The following ZNF792 variants were observed in gnomAD, a reference collection of about 807,000 sequenced individuals.
The protein encoded by ZNF792 is zinc finger protein 792.
In ZNF792, 14 loss-of-function variants were observed where a neutral mutation model predicts 13.1. The observed-to-expected ratio is 1.07, with a 90% CI of 0.71 to 1.67. The LOEUF (loss-of-function observed/expected upper bound fraction) is 1.67. Ranked by LOEUF, ZNF792 falls within the 40% of genes most tolerant of loss-of-function variation. ZNF792 has a pLI of 0.00. For missense variants in ZNF792, 740 were observed against 807.9 expected (o/e 0.92, Z 1.02); for synonymous variants, 257 against 292.0 (o/e 0.88, Z 1.22).
intron 1 of ZNF792, among the ~76,000 whole-genome samples, chr19:34,963,374 G>C (rs903413181): frequency 6.6e-6 from 1 of 151,668 alleles, no homozygotes; most frequent in East Asian, 1.9e-4. Context: ...AAGCTTTTGC[G>C]CACGCTGGTT....
chr19:34,958,679 A>T lies in ZNF792; in HGVS notation c.1176T>A (p.Ser392Arg). The change falls in exon 4 of 4, where the codon AGT becomes AGA. Residue 392 changes from serine to arginine, a missense_variant. Transcript: ENST00000404801. ...TCCCACATTCACTGCACTCATGGGCACTTCTGCCCGTATGAACCCTCTTAT... is the reference window on the plus strand; with the variant it reads ...TCCCACATTCACTGCACTCATGGGCTCTTCTGCCCGTATGAACCCTCTTAT... ...IHHKRVHTGR[S>R]AHECSECGKS... The T allele has an allele frequency of 6.2e-7, 1 of 1,614,024 alleles. No homozygotes were observed. The highest frequency in any genetic ancestry group is 8.5e-7 in the Non-Finnish European group (1 of 1,179,956).
In ZNF792 at chr19:34,960,868, C is replaced by G. The variant is rs555113769; in HGVS notation, c.160G>C (p.Gly54Arg). The G allele has an allele frequency of 6.2e-7, 1 of 1,613,966 alleles. No homozygotes were observed. The highest frequency in any genetic ancestry group is 1.1e-5 in the South Asian group (1 of 91,078). The change falls in exon 2 of 4, where the codon GGA (glycine) becomes CGA (arginine). Residue 54 changes from glycine to arginine, a missense_variant and splice_region_variant. Coordinates refer to ENST00000404801, the MANE Select transcript of ZNF792 (RefSeq NM_175872.5). ...LENFALIASL[G>R]LISFRSHIVS... is the part of the protein sequence containing the mutation. Reference sequence around the variant, plus strand: ...ACCGGGGTAGGGGTGACAGCCTTACCCAGCGAGGCTATAAGTGCAAAGTTT... The same window carrying G: ...ACCGGGGTAGGGGTGACAGCCTTACGCAGCGAGGCTATAAGTGCAAAGTTT...
Position 34,958,720 on chromosome 19 carries a change from A to G in ZNF792, c.1135T>C (p.Ser379Pro), listed in dbSNP as rs1249378397. The G allele has an allele frequency of 1.2e-6, 2 of 1,614,016 alleles. No individual in the cohort carries two copies. Among genetic ancestry groups the G allele is most frequent in the South Asian group, 2.2e-5 (2 of 91,078 alleles). Residue 379 changes from serine (S) to proline (P), a missense_variant, in exon 4 of 4, where the codon TCC becomes CCC. By Grantham distance (74) the Ser-to-Pro change is moderately conservative (BLOSUM62 -1). Coordinates refer to ENST00000404801, the MANE Select transcript of ZNF792 (RefSeq NM_175872.5). ...ACCCTCTTATGATGAATGAGGTTGG[A>G]ACGCTGGCTGAAGAACTTCCCACAG... ...SDCGKFFSQR[S>P]NLIHHKRVHT...
At position 34,963,922 on chromosome 19, in the gene ZNF792, G is replaced by C. The variant is rs182262121; in HGVS notation, c.-260C>G. The C allele has an allele frequency of 2.2e-6, 1 of 452,062 alleles. No individual in the cohort carries two copies. The highest frequency in any genetic ancestry group is 3.9e-6 in the Non-Finnish European group (1 of 256,844). The allele number at this position is 452,062 out of a possible 1,614,324, so 28.0% of individuals were successfully genotyped here. ...GGGGTCACGGCTGGTGCAAAGGCGC[G>C]GAGGGGGTCCCGGCCTCACTGTCCC... On this transcript the variant is annotated 5_prime_UTR_variant, in exon 1 of 4. Transcript: ENST00000404801.
In ZNF792 at chr19:34,959,436, C is replaced by G. The variant is rs145968802; in HGVS notation, c.419G>C (p.Arg140Pro). The G allele has an allele frequency of 6.2e-7, 1 of 1,613,968 alleles. No individual in the cohort carries two copies. The highest frequency in any genetic ancestry group is 8.5e-7 in the Non-Finnish European group (1 of 1,179,992). Residue 140 changes from arginine to proline, a missense_variant, in exon 4 of 4, where the codon CGT (arginine) becomes CCT (proline). Arg to Pro is a moderately radical substitution (Grantham distance 103). Transcript: ENST00000404801. ...KTCPCDICGL[R>P]LKDILHLAEH... ...AGCCAAATGCAAAATGTCTTTCAAA[C>G]GTAGGCCACATATGTCACAGGGGCA...
At chr19:34,960,192 A>G (rs905292129) in intron 3 of ZNF792, 43 bp downstream of exon 3, 1 of 1,603,566 alleles carries the variant, frequency 6.2e-7, no homozygotes, top group Admixed American at 1.7e-5. Flanking sequence ...ATGTAAACAC[A>G]GTGGTGAAGT....
At position 34,958,432 on chromosome 19, in the gene ZNF792, C is replaced by A; in HGVS notation, c.1423G>T (p.Glu475Ter). The A allele has an allele frequency of 6.2e-7, 1 of 1,611,812 alleles. No homozygotes were observed. The highest frequency in any genetic ancestry group is 1.1e-5 in the South Asian group (1 of 90,722). ...CATTCATTGCATTCATAAGGCCGCT[C>A]ACCAGTGTGAACTCGCTGATGTTTC... ...LMKHQRVHTG[E>*]RPYECNECGK... The change falls in exon 4 of 4, where the codon GAG becomes TAG. Residue 475 changes from glutamate to a stop codon, truncating the protein, a stop_gained. Transcript: ENST00000404801. LOFTEE classifies it low-confidence loss of function (END_TRUNC).
In ZNF792 at chr19:34,964,035, G is replaced by T. The variant is rs2013572253; in HGVS notation, c.-373C>A. ...CAACTCGGGGTCCCCAGCTCCTGGG[G>T]ACTCAGCCTCCCCGCCGGGAAATGA... On this transcript the variant is annotated 5_prime_UTR_variant, in exon 1 of 4. Coordinates refer to ENST00000404801, the MANE Select transcript of ZNF792 (RefSeq NM_175872.5). 1 of 245,578 alleles carries T rather than the reference G, an allele frequency of 4.1e-6. No individual in the cohort carries two copies. Among genetic ancestry groups the T allele is most frequent in the East Asian group, 7.8e-5 (1 of 12,784 alleles). The allele number at this position is 245,578 out of a possible 1,614,324, so 15.2% of individuals were successfully genotyped here.
At position 34,959,434 on chromosome 19, in the gene ZNF792, A is replaced by C; in HGVS notation, c.421T>G (p.Leu141Val). 6.2e-7 allele frequency: 1 copy of C among 1,614,092 alleles called. No homozygotes were observed. Among genetic ancestry groups the C allele is most frequent in the South Asian group, 1.1e-5 (1 of 91,086 alleles). The change falls in exon 4 of 4, where the codon TTG becomes GTG. Residue 141 changes from leucine (L) to valine (V), a missense_variant. Physicochemically the swap from Leu to Val is conservative, Grantham distance 32. Coordinates refer to ENST00000404801, the MANE Select transcript of ZNF792 (RefSeq NM_175872.5). ...TCPCDICGLRLKDILHLAEHQ... is the reference protein window; with the variant it reads ...TCPCDICGLRVKDILHLAEHQ... ...TCAGCCAAATGCAAAATGTCTTTCA[A>C]ACGTAGGCCACATATGTCACAGGGG...
In ZNF792 at chr19:34,960,847, G is replaced by A. The variant is rs781332300; in HGVS notation, c.160+21C>T. ...AGGCAGAGAGGAGCTCGGGACACCG[G>A]GGTAGGGGTGACAGCCTTACCCAGC... On this transcript the variant is annotated intron_variant, in intron 2 of 3. Coordinates refer to ENST00000404801, the MANE Select transcript of ZNF792 (RefSeq NM_175872.5). 1.9e-6 allele frequency: 3 copies of A among 1,613,884 alleles called. No homozygotes were observed. In the South Asian group the frequency reaches 3.3e-5, roughly 18 times the overall value.
In ZNF792 at chr19:34,957,252, C is replaced by A. The variant is rs2013445097; in HGVS notation, c.*704G>T. On this transcript the variant is annotated 3_prime_UTR_variant, in exon 4 of 4. Transcript: ENST00000404801. ...CTGGAGGTTGTCACAACTGCCCCCT[C>A]CTCGGGATAAAAATTCACGCCATTC... 1 of 152,326 alleles carries A rather than the reference C, an allele frequency of 6.6e-6. No homozygotes were observed. The highest frequency in any genetic ancestry group is 6.5e-5 in the Admixed American group (1 of 15,300). 9.4% of individuals were successfully genotyped at this position (152,326 alleles called of 1,614,324 possible).
Position 34,963,658 on chromosome 19 carries a change from G to A in ZNF792, c.5C>T (p.Ala2Val). 1.2e-6 allele frequency: 2 copies of A among 1,602,522 alleles called. No individual in the cohort carries two copies. Among genetic ancestry groups the A allele is most frequent in the Non-Finnish European group, 1.7e-6 (2 of 1,175,410 alleles). Reference protein sequence around the residue: MAAAALRDPAQG... With the variant: MVAAALRDPAQG... Reference sequence around the variant, plus strand: ...CGCGGGGTCCCGCAGCGCCGCCGCTGCCATCGGAGTCTGTGGTCAGAGCAG... The same window carrying A: ...CGCGGGGTCCCGCAGCGCCGCCGCTACCATCGGAGTCTGTGGTCAGAGCAG... Residue 2 changes from alanine to valine, a missense_variant, in exon 1 of 4, where the codon GCA becomes GTA. Coordinates refer to ENST00000404801, the MANE Select transcript of ZNF792 (RefSeq NM_175872.5).
Position 34,958,990 on chromosome 19 carries a change from T to C in ZNF792, c.865A>G (p.Ile289Val). ...AGGTCAGCGGCGTAAGTGAAGAAGATTCCACATTTGCTGCATTCATAAGGC... is the reference window on the plus strand; with the variant it reads ...AGGTCAGCGGCGTAAGTGAAGAAGACTCCACATTTGCTGCATTCATAAGGC... ...ERPYECSKCG[I>V]FFTYAADLTQ... The change falls in exon 4 of 4, where the codon ATC (isoleucine) becomes GTC (valine). Residue 289 changes from isoleucine to valine, a missense_variant. Ile to Val is a conservative substitution (Grantham distance 29, BLOSUM62 3). Transcript: ENST00000404801. The C allele has an allele frequency of 6.2e-7, 1 of 1,614,102 alleles. No homozygotes were observed. The highest frequency in any genetic ancestry group is 8.5e-7 in the Non-Finnish European group (1 of 1,179,916).
rs1373392918 is a variant in ZNF792, at chr19:34,960,352, T to C, written c.166A>G (p.Ile56Val). The C allele has an allele frequency of 1.2e-6, 2 of 1,612,930 alleles. No individual in the cohort carries two copies. The highest frequency in any genetic ancestry group is 1.7e-5 in the Admixed American group (1 of 59,956). ...NFALIASLGL[I>V]SFRSHIVSQL... The stretch of plus-strand genomic sequence containing the variant: ...GAAACGATGTGGGACCTGAAAGATA[T>C]AAGTCCTAAGGGAAAGACAGAGTGG... The change falls in exon 3 of 4, where the codon ATA becomes GTA. Residue 56 changes from isoleucine to valine, a missense_variant. Coordinates refer to ENST00000404801, the MANE Select transcript of ZNF792 (RefSeq NM_175872.5).
chr19:34,963,330 A>C (rs756858330), intron 1 of ZNF792, among the ~76,000 whole-genome samples: 5 of 151,916 alleles, frequency 3.3e-5, no homozygotes, highest in Non-Finnish European at 7.4e-5. Flanking sequence ...AACACTCCCA[A>C]CTCAGTCTCC....
In ZNF792 at chr19:34,959,195, C is replaced by T. The variant is rs745467666; in HGVS notation, c.660G>A (p.Val220=). 6.2e-7 allele frequency: 1 copy of T among 1,614,006 alleles called. No individual in the cohort carries two copies. The highest frequency in any genetic ancestry group is 8.5e-7 in the Non-Finnish European group (1 of 1,179,886). The change falls in exon 4 of 4, where the codon GTG becomes GTA. Residue 220 remains valine (V), a synonymous_variant. Transcript: ENST00000404801. ...STCREGGKDF[V]ATAGFLQCEV... Reference sequence around the variant, plus strand: ...CACACTGCAGAAACCCTGCTGTGGCCACAAAGTCCTTCCCACCCTCCCTGC... The same window carrying T: ...CACACTGCAGAAACCCTGCTGTGGCTACAAAGTCCTTCCCACCCTCCCTGC...
chr19:34,960,249 C>A lies in ZNF792; in HGVS notation c.269G>T (p.Gly90Val), dbSNP rs2013505977. 2.5e-6 allele frequency: 4 copies of A among 1,613,756 alleles called. No homozygotes were observed. Among genetic ancestry groups the A allele is most frequent in the African/African-American group, 1.3e-5 (1 of 74,926 alleles). The change falls in exon 3 of 4, where the codon GGC becomes GTC. Residue 90 changes from glycine (G) to valine (V), a missense_variant. By Grantham distance (109) the Gly-to-Val change is moderately radical. Transcript: ENST00000404801. Reference sequence around the variant, plus strand: ...TCGCTGCTTACCAGAGCCAGGCCTGCCATAAGCCCCTCTGGCCATGGCTGA... The same window carrying A: ...TCGCTGCTTACCAGAGCCAGGCCTGACATAAGCCCCTCTGGCCATGGCTGA... ...MTSAMARGAY[G>V]RPGSDFCHGT...
intron 2 of ZNF792, 154 bp downstream of exon 2, chr19:34,960,714 T>C (rs1600243633): frequency 6.8e-6 from 8 of 1,176,182 alleles, no homozygotes. Context: ...ACAATGCACA[T>C]AGCTCAGCCC....
At position 34,959,260 on chromosome 19, in the gene ZNF792, T is replaced by C; in HGVS notation, c.595A>G (p.Lys199Glu). 1.2e-6 allele frequency: 2 copies of C among 1,613,984 alleles called. No homozygotes were observed. Among genetic ancestry groups the C allele is most frequent in the Non-Finnish European group, 1.7e-6 (2 of 1,179,870 alleles). ...TCTGATGTGTGGTCTCTGCAGGTCT[T>C]TACAGGGGAAGCCTGGCCCTCCTCC... ...RTEEGQASPVKTCRDHTSDQL... is the reference protein window; with the variant it reads ...RTEEGQASPVETCRDHTSDQL... Residue 199 changes from lysine to glutamate, a missense_variant, in exon 4 of 4, where the codon AAG becomes GAG. Transcript: ENST00000404801.
Sources: allele counts gnomAD v4.1 joint callset (sites outside exome capture counted in the v4.1 genomes callset), GRCh38; gene constraint gnomAD v4.1.1; transcripts MANE v1.5; gene names NCBI Gene and HGNC (gene_info 2026-07-23, HGNC 2026-07-21).